The following PHLPP1 variants were observed in gnomAD, a reference collection of about 807,000 sequenced individuals.
PHLPP1 encodes PH domain leucine-rich repeat-containing protein phosphatase 1.
Under a neutral mutation model 117.2 loss-of-function variants are expected in PHLPP1, and 42 were observed. The observed-to-expected ratio is 0.36, with a 90% confidence interval of 0.28 to 0.46. The LOEUF (loss-of-function observed/expected upper bound fraction) is 0.46. Ranked by LOEUF, PHLPP1 falls within the 20% of genes least tolerant of loss-of-function variation. The pLI, the probability that PHLPP1 is intolerant of heterozygous loss-of-function variation, is 1.00. For synonymous variants in PHLPP1, 1,042 were observed against 970.7 expected, an observed-to-expected ratio of 1.07 and a Z score of -1.37; for missense variants, 2,084 against 2,241.9, an observed-to-expected ratio of 0.93 and a Z score of 1.42.
chr18:62,917,750 GT>G (rs1195195452), intron 9 of PHLPP1, among the ~76,000 whole-genome samples: 2 of 151,678 alleles, frequency 1.3e-5, no homozygotes, highest in Non-Finnish European at 2.9e-5. Flanking sequence ...GGAGGTTGAG[GT>G]TACAGTGACC....
chr18:62,821,440 T>C (rs1411536280), intron 1 of PHLPP1, among the ~76,000 whole-genome samples: 1 of 150,660 alleles, frequency 6.6e-6, no homozygotes, highest in Non-Finnish European at 1.5e-5. Context: ...TCCCAGCTAC[T>C]TGGGAGGCTG....
At chr18:62,860,726 G>C in intron 4 of PHLPP1, 125 bp downstream of exon 4, 1 of 732,448 alleles carries the variant, frequency 1.4e-6, no homozygotes. Context: ...AGATAACAGG[G>C]TAATAGGACT....
chr18:62,854,912 G>A lies in PHLPP1; in HGVS notation c.1900-5523G>A, dbSNP rs1205466346. Reference sequence around the variant, plus strand: ...GGGTTTCACCATGTTGGCCAGGCTGGTCTCAAACTCCTGACCTCAAATGAT... The same window carrying A: ...GGGTTTCACCATGTTGGCCAGGCTGATCTCAAACTCCTGACCTCAAATGAT... On this transcript the variant is annotated intron_variant, in intron 3 of 16. Coordinates refer to ENST00000262719, the MANE Select transcript of PHLPP1 (RefSeq NM_194449.4). Among the ~76,000 whole-genome samples the A allele has an allele frequency of 2.0e-5, 3 of 152,016 alleles. No individual in the cohort carries two copies. In the East Asian group the frequency reaches 5.8e-4, roughly 29 times the overall value.
At chr18:62,767,455 A>G (rs1424824982) in intron 1 of PHLPP1, among the ~76,000 whole-genome samples, 2 of 152,228 alleles carry the variant, frequency 1.3e-5, no homozygotes, top group African/African-American at 4.8e-5. Context: ...AATCATTTGC[A>G]GTTTTCTGTT....
intron 6 of PHLPP1, among the ~76,000 whole-genome samples, chr18:62,897,992 G>A (rs1916606583): frequency 1.2e-5 from 1 of 84,010 alleles, no homozygotes; most frequent in African/African-American, 2.8e-5. Context: ...TTCTTCTGTG[G>A]CATCATTAAT....
At chr18:62,883,763 C>G (rs967236718) in intron 4 of PHLPP1, among the ~76,000 whole-genome samples, 1 of 152,154 alleles carries the variant, frequency 6.6e-6, no homozygotes, top group African/African-American at 2.4e-5. Context: ...GGTGCATATA[C>G]TGTACATTAT....
chr18:62,743,010 A>G (rs559854851), intron 1 of PHLPP1, among the ~76,000 whole-genome samples: 6 of 152,312 alleles, frequency 3.9e-5, no homozygotes, highest in African/African-American at 1.2e-4. Flanking sequence ...GTTGGAATAC[A>G]GCATTCTAAT....
At chr18:62,819,752 T>A (rs577255479) in intron 1 of PHLPP1, among the ~76,000 whole-genome samples, 275 of 152,310 alleles carry the variant, frequency 1.8e-3, no homozygotes, top group African/African-American at 6.4e-3. Context: ...TTCAAGCGAT[T>A]CTCCTGCCTC....
chr18:62,967,949 G>A (rs1198062116), intron 14 of PHLPP1, among the ~76,000 whole-genome samples: 5 of 151,442 alleles, frequency 3.3e-5, no homozygotes, highest in African/African-American at 1.2e-4. Context: ...TCAGCCTCCC[G>A]AGTAGCTAGG....
At chr18:62,848,879 A>G (rs537907814) in intron 3 of PHLPP1, among the ~76,000 whole-genome samples, 1 of 152,246 alleles carries the variant, frequency 6.6e-6, no homozygotes, top group African/African-American at 2.4e-5. Context: ...ATTAAGTTCT[A>G]CTACCTTACT....
At chr18:62,825,184 C>T (rs1914577922) in intron 1 of PHLPP1, among the ~76,000 whole-genome samples, 5 of 151,722 alleles carry the variant, frequency 3.3e-5, no homozygotes, top group Admixed American at 3.3e-4. Flanking sequence ...GTCTCGAGCT[C>T]CTGACCTCAA....
rs187950823 is a variant in PHLPP1, at chr18:62,765,484, G to A, written c.1576+48225G>A. ...TTTACTAATATTTGGTGCATGCATTGGTACCTTTATTGGCTCTATAAGCCA... is the reference window on the plus strand; with the variant it reads ...TTTACTAATATTTGGTGCATGCATTAGTACCTTTATTGGCTCTATAAGCCA... On this transcript the variant is annotated intron_variant, in intron 1 of 16. Transcript: ENST00000262719. 2.6e-5 allele frequency among the ~76,000 whole-genome samples: 4 copies of A among 152,286 alleles called. No homozygotes were observed. The East Asian group carries it at 7.7e-4, about 29-fold the overall frequency.
At chr18:62,856,269 C>T (rs1244638818) in intron 3 of PHLPP1, among the ~76,000 whole-genome samples, 2 of 152,088 alleles carry the variant, frequency 1.3e-5, no homozygotes, top group African/African-American at 4.8e-5. Context: ...CCACACATCC[C>T]ATTTCACTCA....
intron 1 of PHLPP1, among the ~76,000 whole-genome samples, chr18:62,775,820 GTT>G (rs1377363009): frequency 3.9e-5 from 6 of 152,128 alleles, no homozygotes; most frequent in Admixed American, 3.9e-4. Context: ...ATCCCCAGAA[GTT>G]TTCTCATGCC....
At chr18:62,890,801 C>G (rs1441136951) in intron 4 of PHLPP1, among the ~76,000 whole-genome samples, 17 of 152,160 alleles carry the variant, frequency 1.1e-4, no homozygotes, top group Non-Finnish European at 2.5e-4. Flanking sequence ...AGTTCACGTG[C>G]TCTATTATGT....
At chr18:62,724,341 G>C (rs1427828667) in intron 1 of PHLPP1, among the ~76,000 whole-genome samples, 1 of 152,190 alleles carries the variant, frequency 6.6e-6, no homozygotes, top group Non-Finnish European at 1.5e-5. Flanking sequence ...TTTATTTATG[G>C]TGAGCTGTGT....
At chr18:62,836,405 C>T (rs1464596453) in intron 2 of PHLPP1, among the ~76,000 whole-genome samples, 6 of 150,282 alleles carry the variant, frequency 4.0e-5, no homozygotes, top group Non-Finnish European at 5.9e-5. Flanking sequence ...GCACTGCAGC[C>T]TGGGCAACAG....
At chr18:62,944,916 A>T (rs748174267) in intron 11 of PHLPP1, among the ~76,000 whole-genome samples, 193 bp from the exon 12 acceptor site, 3 of 152,144 alleles carry the variant, frequency 2.0e-5, no homozygotes, top group Non-Finnish European at 4.4e-5. Flanking sequence ...TGAAGAGTTG[A>T]ATAGTTTTTG....
At chr18:62,793,909 T>G (rs557435782) in intron 1 of PHLPP1, among the ~76,000 whole-genome samples, 1 of 152,218 alleles carries the variant, frequency 6.6e-6, no homozygotes, top group Non-Finnish European at 1.5e-5. Context: ...TTATGTTCAA[T>G]CCTATATCAA....
Sources: gnomAD v4.1 joint callset for allele counts (sites outside exome capture counted in the v4.1 genomes callset) on GRCh38, gnomAD v4.1.1 for gene constraint, MANE v1.5 for transcripts, NCBI Gene and HGNC (gene_info 2026-07-23, HGNC 2026-07-21) for gene names.